DSCAML1: variants seen among roughly 807,000 people sequenced by gnomAD.
DSCAML1 encodes DS cell adhesion molecule like 1, also known as cell adhesion molecule DSCAML1.
In DSCAML1, 38 loss-of-function variants were observed where a neutral mutation model predicts 200.5. The observed-to-expected ratio is 0.19, with a 90% confidence interval of 0.15 to 0.25. DSCAML1 has a LOEUF of 0.25. Among genes scored for constraint, DSCAML1 ranks in the 10% least tolerant of loss-of-function variants. DSCAML1 has a pLI of 1.00. For missense variants in DSCAML1, 2,223 were observed against 2,858.8 expected (o/e 0.78, Z 5.07); for synonymous variants, 1,215 against 1,165.0 (o/e 1.04, Z -0.87).
At chr11:117,594,854 A>T (rs1463362471) in intron 3 of DSCAML1, among the ~76,000 whole-genome samples, 1 of 152,070 alleles carries the variant, frequency 6.6e-6, no homozygotes, top group East Asian at 1.9e-4. Flanking sequence ...CCCCATAGAG[A>T]CTTTATTATT....
intron 20 of DSCAML1, among the ~76,000 whole-genome samples, chr11:117,449,290 T>C (rs574611821): frequency 6.6e-6 from 1 of 152,042 alleles, no homozygotes; most frequent in East Asian, 1.9e-4. Flanking sequence ...CTTGGGTGGG[T>C]TGTGAAAATT....
chr11:117,775,005 G>A (rs951717161), intron 3 of DSCAML1, among the ~76,000 whole-genome samples: 5 of 152,198 alleles, frequency 3.3e-5, no homozygotes, highest in Non-Finnish European at 5.9e-5. Context: ...TTTAATGGAT[G>A]TAATGCTTAG....
rs2054898848 is a variant in DSCAML1, at chr11:117,766,393, T to C, written c.511+10398A>G. Among the ~76,000 whole-genome samples the C allele has an allele frequency of 1.3e-5, 2 of 152,258 alleles. 1 individual carries two copies. Among genetic ancestry groups the C allele is most frequent in the Admixed American group, 1.3e-4 (2 of 15,288 alleles). The stretch of plus-strand genomic sequence containing the variant: ...AGAACTAAAGCAAGATTGATTTTGA[T>C]GTGAACACCAGCAAAGCAAATGGGT... On this transcript the variant is annotated intron_variant, in intron 3 of 32. Coordinates refer to ENST00000651296, the MANE Select transcript of DSCAML1 (RefSeq NM_020693.4).
intron 14 of DSCAML1, among the ~76,000 whole-genome samples, chr11:117,474,543 C>T (rs1377181310): frequency 1.3e-5 from 2 of 152,150 alleles, no homozygotes; most frequent in Admixed American, 6.5e-5. Context: ...ACCTTATAGC[C>T]AAGTTTTTAG....
intron 3 of DSCAML1, among the ~76,000 whole-genome samples, chr11:117,713,171 A>T (rs1310920211): frequency 6.6e-6 from 1 of 152,056 alleles, no homozygotes; most frequent in Non-Finnish European, 1.5e-5. Context: ...ACCTCGGCTC[A>T]CTGCGACCTC....
chr11:117,576,383 G>C (rs1405581577), intron 3 of DSCAML1, among the ~76,000 whole-genome samples: 1 of 152,166 alleles, frequency 6.6e-6, no homozygotes, highest in Admixed American at 6.5e-5. Flanking sequence ...CTTGGGTCCA[G>C]TCTTGCTCCT....
At chr11:117,739,729 G>A (rs2054388602) in intron 3 of DSCAML1, among the ~76,000 whole-genome samples, 2 of 152,236 alleles carry the variant, frequency 1.3e-5, no homozygotes, top group African/African-American at 4.8e-5. Flanking sequence ...TGGTGGCTGG[G>A]AAAGTCCTGG....
chr11:117,437,847 C>T lies in DSCAML1; in HGVS notation c.4432+48G>A. 1.3e-6 allele frequency: 2 copies of T among 1,536,028 alleles called. No individual in the cohort carries two copies. The highest frequency in any genetic ancestry group is 1.7e-6 in the Non-Finnish European group (2 of 1,144,088). On this transcript the variant is annotated intron_variant, in intron 25 of 32. Transcript: ENST00000651296. This position sits in a 1 kb window ranked among gnomAD's most constrained non-coding sequence, Gnocchi z 5.3. ...CCATACCTGGCCCCTCTAGCCCACC[C>T]TCCCTGGGCCCATCGCTCCTTCCCT...
At chr11:117,471,718 C>A in intron 15 of DSCAML1, 151 bp downstream of exon 15, 1 of 718,884 alleles carries the variant, frequency 1.4e-6, no homozygotes, top group Non-Finnish European at 2.0e-6. Flanking sequence ...CTGCAGTGAT[C>A]CAGAGGTGGA....
At chr11:117,709,045 C>G (rs189970873) in intron 3 of DSCAML1, among the ~76,000 whole-genome samples, 1 of 152,146 alleles carries the variant, frequency 6.6e-6, no homozygotes, top group African/African-American at 2.4e-5. Context: ...GTGGGGATAT[C>G]GATAATATTC....
At chr11:117,674,909 A>G (rs553929639) in intron 3 of DSCAML1, among the ~76,000 whole-genome samples, 41 of 152,242 alleles carry the variant, frequency 2.7e-4, no homozygotes, top group Admixed American at 1.0e-3. Flanking sequence ...GGATCCTAAG[A>G]ACCACATGGA....
At chr11:117,594,155 A>G (rs2051317914) in intron 3 of DSCAML1, among the ~76,000 whole-genome samples, 1 of 152,200 alleles carries the variant, frequency 6.6e-6, no homozygotes, top group Admixed American at 6.5e-5. Flanking sequence ...ATAAACCTCA[A>G]GGAATTCCAA....
At chr11:117,471,760 G>T in intron 15 of DSCAML1, 109 bp downstream of exon 15, 1 of 1,184,030 alleles carries the variant, frequency 8.4e-7, no homozygotes, top group Non-Finnish European at 1.2e-6. Context: ...TTTTCCCCAC[G>T]CCACCCCCTT....
At chr11:117,684,969 G>A (rs1451232749) in intron 3 of DSCAML1, among the ~76,000 whole-genome samples, 3 of 152,244 alleles carry the variant, frequency 2.0e-5, no homozygotes, top group African/African-American at 4.8e-5. Flanking sequence ...CTCTGAGCCT[G>A]TCATGGGAAA....
intron 5 of DSCAML1, 66 bp downstream of exon 5, chr11:117,524,739 C>A (rs1335091671): frequency 1.7e-5 from 26 of 1,521,298 alleles, no homozygotes; most frequent in Middle Eastern, 2.0e-4. Context: ...CGGCCACACT[C>A]CTCCCCCGAC....
chr11:117,583,434 G>C (rs771777361), intron 3 of DSCAML1, among the ~76,000 whole-genome samples: 1 of 152,110 alleles, frequency 6.6e-6, no homozygotes, highest in Non-Finnish European at 1.5e-5. Context: ...ATCTCGCTCC[G>C]CAAGAATCCC....
intron 3 of DSCAML1, among the ~76,000 whole-genome samples, chr11:117,597,057 G>A (rs963938427): frequency 5.3e-5 from 8 of 152,146 alleles, no homozygotes; most frequent in East Asian, 1.9e-4. Flanking sequence ...ATGGTGCTGC[G>A]GCTGGAACAG....
chr11:117,611,319 C>A (rs893252905), intron 3 of DSCAML1: 2 of 152,230 alleles, frequency 1.3e-5, no homozygotes, highest in African/African-American at 4.8e-5. Context: ...CGCTCTCAGC[C>A]CCTTGGCCAA....
intron 20 of DSCAML1, among the ~76,000 whole-genome samples, chr11:117,447,071 C>T (rs2048194212): frequency 6.6e-6 from 1 of 152,142 alleles, no homozygotes; most frequent in Non-Finnish European, 1.5e-5. Flanking sequence ...GGGCGGATCA[C>T]TGAGGTCAGG....
Sources: allele counts gnomAD v4.1 joint callset (sites outside exome capture counted in the v4.1 genomes callset), GRCh38; gene constraint gnomAD v4.1.1; non-coding constraint Gnocchi (gnomAD v3.1); transcripts MANE v1.5; gene names NCBI Gene and HGNC (gene_info 2026-07-23, HGNC 2026-07-21).